The following CCDC85A variants were observed in gnomAD, a reference collection of about 807,000 sequenced individuals.
CCDC85A encodes the protein coiled-coil domain-containing protein 85A.
Under a neutral mutation model 50.2 loss-of-function variants are expected in CCDC85A, and 38 were observed. The observed-to-expected ratio is 0.76, with a 90% CI of 0.58 to 0.99. The LOEUF (loss-of-function observed/expected upper bound fraction) is 0.99, where lower values mean the gene tolerates loss of function less well. CCDC85A is among the 50% of genes least tolerant of loss of function. CCDC85A has a pLI of 0.00. For synonymous variants in CCDC85A, 366 were observed against 301.4 expected, an observed-to-expected ratio of 1.21 and a Z score of -2.22; for missense variants, 820 against 742.0, an observed-to-expected ratio of 1.11 and a Z score of -1.22.
chr2:56,263,991 G>C (rs1409554700), intron 2 of CCDC85A, among the ~76,000 whole-genome samples: 1 of 152,160 alleles, frequency 6.6e-6, no homozygotes, highest in Non-Finnish European at 1.5e-5. Context: ...TAACACTAAT[G>C]ATAGCTGATG....
chr2:56,291,642 G>C (rs1246538278), intron 2 of CCDC85A, among the ~76,000 whole-genome samples: 1 of 152,170 alleles, frequency 6.6e-6, no homozygotes, highest in Non-Finnish European at 1.5e-5. Flanking sequence ...TGGGCTATCA[G>C]AGCCTGATGT....
At chr2:56,369,468 G>A (rs1171594477) in intron 3 of CCDC85A, among the ~76,000 whole-genome samples, 4 of 152,174 alleles carry the variant, frequency 2.6e-5, no homozygotes, top group East Asian at 1.9e-4. Flanking sequence ...ATCTGACCCC[G>A]AAAGTCCTGA....
chr2:56,374,910 A>G (rs549116545), intron 4 of CCDC85A, among the ~76,000 whole-genome samples: 2 of 152,324 alleles, frequency 1.3e-5, no homozygotes, highest in South Asian at 4.1e-4. Flanking sequence ...ACTTGAATGG[A>G]GCAATTACTA....
Position 56,184,604 on chromosome 2 carries a change from A to T in CCDC85A, c.-21A>T. Reference sequence around the variant, plus strand: ...CGCCTCGCCTCTTCCACCCACTTGCACCTGCCACCCCGCGGATACCATGTC... The same window carrying T: ...CGCCTCGCCTCTTCCACCCACTTGCTCCTGCCACCCCGCGGATACCATGTC... On this transcript the variant is annotated 5_prime_UTR_variant, in exon 1 of 6. Coordinates refer to ENST00000407595, the MANE Select transcript of CCDC85A (RefSeq NM_001080433.2). The T allele has an allele frequency of 7.1e-7, 1 of 1,409,424 alleles. No homozygotes were observed. The highest frequency in any genetic ancestry group is 3.4e-5 in the Admixed American group (1 of 29,126). 87.3% of individuals were successfully genotyped at this position (1,409,424 alleles called of 1,614,324 possible).
rs138230320 is a variant in CCDC85A at position 56,233,917 on chromosome 2, T to A, written c.1240+40477T>A. 2.9e-3 allele frequency among the ~76,000 whole-genome samples: 446 copies of A among 152,224 alleles called. 5 individuals are homozygous for A. The highest frequency in any genetic ancestry group is 0.01 in the African/African-American group (422 of 41,544). On this transcript the variant is annotated intron_variant, in intron 2 of 5. Coordinates refer to ENST00000407595, the MANE Select transcript of CCDC85A (RefSeq NM_001080433.2). ...GATAAAAGATGTTCCCTAATTTCTG[T>A]CAGAAAGGGGAAAAGTTGGCTGATG...
At chr2:56,260,034 A>G (rs1200854474) in intron 2 of CCDC85A, among the ~76,000 whole-genome samples, 1 of 152,202 alleles carries the variant, frequency 6.6e-6, no homozygotes, top group Admixed American at 6.5e-5. Flanking sequence ...CAAGGTACTC[A>G]TGGTAGTGAG....
chr2:56,203,661 T>C (rs1342960090), intron 2 of CCDC85A, among the ~76,000 whole-genome samples: 1 of 152,184 alleles, frequency 6.6e-6, no homozygotes, highest in Non-Finnish European at 1.5e-5. Flanking sequence ...TAGTTATTTT[T>C]ACATTTCGAG....
intron 2 of CCDC85A, among the ~76,000 whole-genome samples, chr2:56,233,414 A>G (rs1389310422): frequency 1.3e-5 from 2 of 152,170 alleles, no homozygotes; most frequent in Non-Finnish European, 2.9e-5. Flanking sequence ...TTGAAGAATC[A>G]TGGCATGCTC....
At chr2:56,301,692 G>C (rs563944201) in intron 2 of CCDC85A, among the ~76,000 whole-genome samples, 1 of 152,178 alleles carries the variant, frequency 6.6e-6, no homozygotes, top group African/African-American at 2.4e-5. Flanking sequence ...CTCAACAAAA[G>C]GTGGAGTTTA....
intron 3 of CCDC85A, among the ~76,000 whole-genome samples, chr2:56,366,848 C>T (rs1460184028): frequency 1.3e-5 from 2 of 152,130 alleles, no homozygotes; most frequent in Non-Finnish European, 2.9e-5. Flanking sequence ...TAGTCGCCTC[C>T]TGGTCCAGAT....
chr2:56,219,571 T>G (rs1159086949), intron 2 of CCDC85A, among the ~76,000 whole-genome samples: 1 of 151,836 alleles, frequency 6.6e-6, no homozygotes, highest in African/African-American at 2.4e-5. Flanking sequence ...TGTGCTTGCC[T>G]ATTTCCTCTG....
intron 2 of CCDC85A, among the ~76,000 whole-genome samples, chr2:56,339,035 A>G (rs2216329): frequency 0.42 from 63,759 of 151,982 alleles, 14,967 homozygotes; most frequent in African/African-American, 0.64. Flanking sequence ...GGGGCTAAGA[A>G]CCTGGAACAA....
chr2:56,251,834 C>G (rs1003313574), intron 2 of CCDC85A, among the ~76,000 whole-genome samples: 1 of 152,064 alleles, frequency 6.6e-6, no homozygotes, highest in Non-Finnish European at 1.5e-5. Flanking sequence ...GAAAAGAACC[C>G]TGAACAAGTG....
intron 2 of CCDC85A, among the ~76,000 whole-genome samples, chr2:56,202,247 G>A (rs1013835866): frequency 6.6e-6 from 1 of 152,174 alleles, no homozygotes; most frequent in African/African-American, 2.4e-5. Flanking sequence ...CAGAGCTATT[G>A]CCTGGAAACC....
rs1366939459 is a variant in CCDC85A at position 56,384,294 on chromosome 2, C to G, written c.1601C>G (p.Ala534Gly). ...KVVWRKLGDA[A>G]GSCPGIRQHL... ...GTGTGGAGGAAACTTGGAGATGCTGCAGGTTCGTGTCCTGGAATTAGGCAA... is the reference window on the plus strand; with the variant it reads ...GTGTGGAGGAAACTTGGAGATGCTGGAGGTTCGTGTCCTGGAATTAGGCAA... Residue 534 changes from alanine (A) to glycine (G), a missense_variant, in exon 6 of 6, where the codon GCA becomes GGA. By Grantham distance (60) the Ala-to-Gly change is moderately conservative. Transcript: ENST00000407595. The G allele has an allele frequency of 6.2e-7, 1 of 1,610,950 alleles. No individual in the cohort carries two copies.
intron 4 of CCDC85A, 107 bp from the exon 5 acceptor site, chr2:56,375,709 A>G (rs1676300346): frequency 1.6e-6 from 2 of 1,216,364 alleles, no homozygotes; most frequent in Admixed American, 4.3e-5. Context: ...GGAAAAAGTA[A>G]CAAAATGGCT....
chr2:56,262,488 GA>G (rs1670261332), intron 2 of CCDC85A, among the ~76,000 whole-genome samples: 1 of 152,166 alleles, frequency 6.6e-6, no homozygotes, highest in Non-Finnish European at 1.5e-5. Flanking sequence ...TGGATTGTGA[GA>G]GTAGATGCTT....
intron 3 of CCDC85A, among the ~76,000 whole-genome samples, 186 bp downstream of exon 3, chr2:56,343,141 G>A (rs774913161): frequency 1.3e-5 from 2 of 152,156 alleles, no homozygotes; most frequent in Non-Finnish European, 2.9e-5. Context: ...ATTTCTAAGT[G>A]TTATACTAAA....
intron 2 of CCDC85A, among the ~76,000 whole-genome samples, chr2:56,327,925 C>G (rs2104283430): frequency 6.6e-6 from 1 of 151,658 alleles, no homozygotes; most frequent in Admixed American, 6.6e-5. Context: ...TGTGCTAGTC[C>G]TTGCTTTAAG....
Sources: allele counts gnomAD v4.1 joint callset (sites outside exome capture counted in the v4.1 genomes callset), GRCh38; gene constraint gnomAD v4.1.1; transcripts MANE v1.5; gene names NCBI Gene and HGNC (gene_info 2026-07-23, HGNC 2026-07-21).